The following GALNT10 variants were observed in gnomAD, a reference collection of about 807,000 sequenced individuals.
The protein encoded by GALNT10 is GalNAc transferase 10.
A neutral mutation model predicts 75.0 loss-of-function variants in GALNT10; 41 were observed. The observed-to-expected ratio is 0.55, with a 90% CI of 0.43 to 0.71. The LOEUF is 0.71. GALNT10 is among the 30% of genes least tolerant of loss of function. The pLI, the probability that GALNT10 is intolerant of heterozygous loss-of-function variation, is 0.00. For synonymous variants in GALNT10, 302 were observed against 313.0 expected (o/e 0.96, Z 0.37); for missense variants, 727 against 818.5 (o/e 0.89, Z 1.36).
At chr5:154,274,901 G>T (rs1330537470) in intron 1 of GALNT10, among the ~76,000 whole-genome samples, 3 of 152,118 alleles carry the variant, frequency 2.0e-5, no homozygotes, top group South Asian at 4.1e-4. Context: ...GCATGCACTC[G>T]CCTCTCCCCC....
At chr5:154,212,000 C>G (rs1268122683) in intron 1 of GALNT10, among the ~76,000 whole-genome samples, 1 of 152,154 alleles carries the variant, frequency 6.6e-6, no homozygotes, top group Non-Finnish European at 1.5e-5. Flanking sequence ...AATTCAACTC[C>G]ACTTCTTGGA....
chr5:154,246,178 T>G (rs904521518), intron 1 of GALNT10, among the ~76,000 whole-genome samples: 1 of 152,158 alleles, frequency 6.6e-6, no homozygotes, highest in Non-Finnish European at 1.5e-5. Context: ...ATGGTGTATA[T>G]GTGCCACATT....
intron 4 of GALNT10, among the ~76,000 whole-genome samples, chr5:154,361,578 G>A (rs1372504171): frequency 1.3e-5 from 2 of 152,122 alleles, no homozygotes; most frequent in Admixed American, 6.5e-5. Context: ...AAATACTGGA[G>A]GCTCAGTTAA....
chr5:154,209,375 G>C (rs1208907938), intron 1 of GALNT10, among the ~76,000 whole-genome samples: 1 of 152,146 alleles, frequency 6.6e-6, no homozygotes, highest in African/African-American at 2.4e-5. Flanking sequence ...AACCATTTTT[G>C]CATAGCAGGC....
At chr5:154,209,765 G>A (rs954610608) in intron 1 of GALNT10, among the ~76,000 whole-genome samples, 3 of 152,144 alleles carry the variant, frequency 2.0e-5, no homozygotes, top group Admixed American at 1.3e-4. Context: ...TTCAACATAG[G>A]AGTTTTGGGG....
At chr5:154,410,757 CTATT>C (rs3080341) in intron 9 of GALNT10, among the ~76,000 whole-genome samples, 27,051 of 152,176 alleles carry the variant, frequency 0.18, 2,819 homozygotes, top group East Asian at 0.36. Flanking sequence ...CCCAGCGCCC[CTATT>C]TATTCAGTGT....
chr5:154,211,460 G>A (rs2161393), intron 1 of GALNT10, among the ~76,000 whole-genome samples: 140,824 of 152,296 alleles, frequency 0.92, 65,122 homozygotes, highest in Middle Eastern at 0.96. Context: ...AATCTCATCC[G>A]TGTATGCAGG....
chr5:154,202,334 TG>T (rs1417940308), intron 1 of GALNT10, among the ~76,000 whole-genome samples: 13 of 152,190 alleles, frequency 8.5e-5, no homozygotes, highest in Non-Finnish European at 1.6e-4. Context: ...GCATGGAGTG[TG>T]GGGCACAGCT....
At chr5:154,404,004 A>G in intron 7 of GALNT10, 100 bp from the exon 8 acceptor site, 1 of 883,810 alleles carries the variant, frequency 1.1e-6, no homozygotes, top group Non-Finnish European at 1.9e-6. Context: ...CAGACAATCC[A>G]GGCTGATGCT....
intron 4 of GALNT10, among the ~76,000 whole-genome samples, chr5:154,348,074 G>A (rs1049449261): frequency 6.6e-6 from 1 of 152,252 alleles, no homozygotes; most frequent in Non-Finnish European, 1.5e-5. Flanking sequence ...CATAGAGCCA[G>A]AAGATGTACA....
intron 1 of GALNT10, among the ~76,000 whole-genome samples, chr5:154,194,656 G>A (rs1277296262): frequency 6.6e-6 from 1 of 152,192 alleles, no homozygotes; most frequent in Non-Finnish European, 1.5e-5. Context: ...TCTGGGCCTT[G>A]GATTCCTCAT....
At chr5:154,408,293 A>G (rs1164072628) in intron 8 of GALNT10, among the ~76,000 whole-genome samples, 2 of 152,252 alleles carry the variant, frequency 1.3e-5, no homozygotes, top group Non-Finnish European at 2.9e-5. Flanking sequence ...CAAATGACTG[A>G]TAACAGCTTA....
At chr5:154,278,620 A>G (rs1288069313) in intron 1 of GALNT10, among the ~76,000 whole-genome samples, 1 of 152,248 alleles carries the variant, frequency 6.6e-6, no homozygotes, top group Non-Finnish European at 1.5e-5. Context: ...GGCATTAAAT[A>G]TGTTCACAAT....
intron 1 of GALNT10, among the ~76,000 whole-genome samples, chr5:154,271,437 G>A (rs746958615): frequency 3.3e-5 from 5 of 152,150 alleles, no homozygotes; most frequent in African/African-American, 1.2e-4. Flanking sequence ...TTGCACTCCA[G>A]CCTGGGCAAC....
At chr5:154,414,806 T>C (rs1397550979) in intron 10 of GALNT10, among the ~76,000 whole-genome samples, 1 of 152,178 alleles carries the variant, frequency 6.6e-6, no homozygotes, top group African/African-American at 2.4e-5. Context: ...GGATCTTGAC[T>C]CAGACTAACT....
chr5:154,257,195 A>C (rs1474257067), intron 1 of GALNT10, among the ~76,000 whole-genome samples: 1 of 152,220 alleles, frequency 6.6e-6, no homozygotes, highest in African/African-American at 2.4e-5. Flanking sequence ...TGCAAAGTCC[A>C]ACTGAGACTC....
chr5:154,288,443 T>TGTGTGTGTGTGTG (rs1754145780), intron 1 of GALNT10, among the ~76,000 whole-genome samples: 1 of 148,774 alleles, frequency 6.7e-6, no homozygotes, highest in African/African-American at 2.5e-5. Context: ...TGTGTGTGTG[T>TGTGTGTGTGTGTG]TTGAACACTA....
At chr5:154,356,325 ATT>A (rs1299137429) in intron 4 of GALNT10, 1 of 409,148 alleles carries the variant, frequency 2.4e-6, no homozygotes, top group African/African-American at 2.1e-5. Flanking sequence ...GTTGATGCTT[ATT>A]TTGGGGAAAG....
chr5:154,356,299 T>G, intron 4 of GALNT10: 1 of 434,154 alleles, frequency 2.3e-6, no homozygotes, highest in South Asian at 1.6e-5. Flanking sequence ...AGGAAATACA[T>G]AGGGAACTCT....
Sources: allele counts gnomAD v4.1 joint callset (sites outside exome capture counted in the v4.1 genomes callset), GRCh38; gene constraint gnomAD v4.1.1; transcripts MANE v1.5; gene names NCBI Gene and HGNC (gene_info 2026-07-23, HGNC 2026-07-21).